The following GLG1 variants were observed in gnomAD, a reference collection of about 807,000 sequenced individuals.
GLG1 encodes Golgi apparatus protein 1.
In GLG1, 38 loss-of-function variants were observed where a neutral mutation model predicts 160.5. The observed-to-expected ratio is 0.24, with a 90% CI of 0.18 to 0.31. The LOEUF (loss-of-function observed/expected upper bound fraction) is 0.31. GLG1 is among the 10% of genes least tolerant of loss of function. The pLI, the probability that GLG1 is intolerant of heterozygous loss-of-function variation, is 1.00. For synonymous variants in GLG1, 644 were observed against 543.4 expected, an observed-to-expected ratio of 1.19 and a Z score of -2.57; for missense variants, 1,373 against 1,505.2, an observed-to-expected ratio of 0.91 and a Z score of 1.45.
chr16:74,531,750 T>G (rs944466536), intron 2 of GLG1, among the ~76,000 whole-genome samples: 1 of 152,248 alleles, frequency 6.6e-6, no homozygotes, highest in Non-Finnish European at 1.5e-5. Context: ...AGAGTTGATT[T>G]CACATCAGTC....
At chr16:74,544,700 C>T (rs1434506791) in intron 1 of GLG1, among the ~76,000 whole-genome samples, 1 of 152,148 alleles carries the variant, frequency 6.6e-6, no homozygotes, top group African/African-American at 2.4e-5. Flanking sequence ...CAGGGTTTGG[C>T]CATTTGGGCC....
At chr16:74,604,459 G>C (rs1439952193) in intron 1 of GLG1, among the ~76,000 whole-genome samples, 2 of 152,222 alleles carry the variant, frequency 1.3e-5, no homozygotes, top group South Asian at 4.1e-4. Context: ...CCATCCTCCA[G>C]TGATACCAAG....
rs376760342 is a variant in GLG1, at chr16:74,603,578, A to C, written c.438+3079T>G. Among the ~76,000 whole-genome samples the C allele has an allele frequency of 2.4e-4, 36 of 152,134 alleles. No homozygotes were observed. The East Asian group carries it at 3.5e-3, about 15-fold the overall frequency. ...AGTGTGAGCCACTGCGCCCGGCTGAACACCACAAACTTCTAAGGAACCAAG... is the reference window on the plus strand; with the variant it reads ...AGTGTGAGCCACTGCGCCCGGCTGACCACCACAAACTTCTAAGGAACCAAG... On this transcript the variant is annotated intron_variant, in intron 1 of 25. Coordinates refer to ENST00000422840, the MANE Select transcript of GLG1 (RefSeq NM_001145667.2).
chr16:74,483,176 A>ATTGACATAGAGTTC, intron 9 of GLG1, 52 bp from the exon 10 acceptor site: 3 of 1,011,784 alleles, frequency 3.0e-6, no homozygotes, highest in Non-Finnish European at 4.7e-6. Context: ...TCAGAACTCT[A>ATTGACATAGAGTTC]TGTCAATATA....
chr16:74,601,499 T>G (rs1174056875), intron 1 of GLG1, among the ~76,000 whole-genome samples: 1 of 152,130 alleles, frequency 6.6e-6, no homozygotes, highest in African/African-American at 2.4e-5. Context: ...TTACAGTCAT[T>G]TGTTAGTTAA....
At chr16:74,558,529 G>T (rs372371014) in intron 1 of GLG1, among the ~76,000 whole-genome samples, 38 of 152,308 alleles carry the variant, frequency 2.5e-4, no homozygotes, top group African/African-American at 9.1e-4. Flanking sequence ...TACAACATTT[G>T]AGTCTGACTT....
intron 4 of GLG1, among the ~76,000 whole-genome samples, chr16:74,498,447 A>AAGT (rs1491293119): frequency 0.023 from 185 of 8,168 alleles, 7 homozygotes; most frequent in Middle Eastern, 0.083. Flanking sequence ...AAAAAAAAAA[A>AAGT]GTATATATAT....
In GLG1 at chr16:74,607,031, G is replaced by A. The variant is rs1324657289; in HGVS notation, c.64C>T (p.Leu22=). ...RLSAALHLLL[L]FAAGAEKLPG... The stretch of plus-strand genomic sequence containing the variant: ...AGTTTCTCGGCCCCGGCCGCGAATA[G>A]CAGCAGCAGATGCAGCGCCGCCGAC... The change falls in exon 1 of 26, where the codon CTA becomes TTA. Residue 22 remains leucine (L), a synonymous_variant. Coordinates refer to ENST00000422840, the MANE Select transcript of GLG1 (RefSeq NM_001145667.2). The A allele has an allele frequency of 6.3e-6, 10 of 1,597,630 alleles. No individual in the cohort carries two copies. In the African/African-American group the frequency reaches 1.3e-4, roughly 21 times the overall value.
chr16:74,550,753 T>C (rs2018176690), intron 1 of GLG1, among the ~76,000 whole-genome samples: 1 of 151,990 alleles, frequency 6.6e-6, no homozygotes, highest in African/African-American at 2.4e-5. Context: ...AATTTAGAGA[T>C]TTAAATGAAA....
At chr16:74,479,580 A>G (rs1187064424) in intron 11 of GLG1, among the ~76,000 whole-genome samples, 3 of 152,086 alleles carry the variant, frequency 2.0e-5, no homozygotes, top group Admixed American at 2.0e-4. Flanking sequence ...AGGCTTTTGC[A>G]TTAAGCTCAG....
At chr16:74,600,575 T>C (rs1241135588) in intron 1 of GLG1, among the ~76,000 whole-genome samples, 3 of 149,228 alleles carry the variant, frequency 2.0e-5, no homozygotes, top group African/African-American at 7.4e-5. Context: ...TTACTAAAAA[T>C]ACAAAAATTA....
At chr16:74,513,955 T>C (rs1044151510) in intron 2 of GLG1, among the ~76,000 whole-genome samples, 2 of 152,156 alleles carry the variant, frequency 1.3e-5, no homozygotes, top group Admixed American at 6.5e-5. Flanking sequence ...AATGACCTGA[T>C]GGAGCTGAAA....
intron 21 of GLG1, 94 bp from the exon 22 acceptor site, chr16:74,462,289 CACAAGA>C: frequency 1.2e-6 from 1 of 819,592 alleles, no homozygotes; most frequent in Non-Finnish European, 2.0e-6. Context: ...CAACAACAAC[CACAAGA>C]ACAAGAAAAA....
At chr16:74,505,773 A>G (rs1567489051) in intron 3 of GLG1, among the ~76,000 whole-genome samples, 1 of 151,826 alleles carries the variant, frequency 6.6e-6, no homozygotes, top group Non-Finnish European at 1.5e-5. Context: ...GAGAATTGCT[A>G]GAACCCGGCA....
intron 13 of GLG1, 159 bp downstream of exon 13, chr16:74,474,387 T>C: frequency 1.6e-6 from 1 of 616,090 alleles, no homozygotes. Context: ...AGCAACACAA[T>C]ATACTTCTTT....
chr16:74,481,035 A>G (rs1489662947), intron 10 of GLG1, among the ~76,000 whole-genome samples: 1 of 152,230 alleles, frequency 6.6e-6, no homozygotes, highest in Non-Finnish European at 1.5e-5. Flanking sequence ...GGGTGAAAAC[A>G]GAAAACTAGA....
chr16:74,580,110 A>G (rs989351925), intron 1 of GLG1, among the ~76,000 whole-genome samples: 15 of 152,186 alleles, frequency 9.9e-5, no homozygotes, highest in Non-Finnish European at 1.5e-5. Flanking sequence ...GAAGAGCTGA[A>G]TCTCATGTTG....
At chr16:74,591,215 C>G (rs1000661501) in intron 1 of GLG1, among the ~76,000 whole-genome samples, 12 of 151,968 alleles carry the variant, frequency 7.9e-5, no homozygotes, top group Non-Finnish European at 1.6e-4. Context: ...CCTGTAGTCC[C>G]AGCTACTCAG....
At chr16:74,540,082 T>TA (rs1555514336) in intron 1 of GLG1, among the ~76,000 whole-genome samples, 1 of 1,080 alleles carries the variant, frequency 9.3e-4, no homozygotes, top group African/African-American at 1.3e-3. Context: ...TATATATATT[T>TA]TATATATATA....
Sources: allele counts gnomAD v4.1 joint callset (sites outside exome capture counted in the v4.1 genomes callset), GRCh38; gene constraint gnomAD v4.1.1; transcripts MANE v1.5; gene names NCBI Gene and HGNC (gene_info 2026-07-23, HGNC 2026-07-21).